The following RGS3 variants were observed in gnomAD, a reference collection of about 807,000 sequenced individuals.
The protein encoded by RGS3 is regulator of G-protein signalling 3.
In RGS3, 80 loss-of-function variants were observed where a neutral mutation model predicts 132.6. That is an observed-to-expected ratio of 0.60 (90% confidence interval 0.50 to 0.73). The LOEUF is 0.73. Ranked by LOEUF, RGS3 falls within the 30% of genes least tolerant of loss-of-function variation. The pLI, the probability that RGS3 is intolerant of heterozygous loss-of-function variation, is 0.00. For missense variants in RGS3, 1,382 were observed against 1,530.8 expected (o/e 0.90, Z 1.62); for synonymous variants, 598 against 620.6 (o/e 0.96, Z 0.54).
intron 7 of RGS3, among the ~76,000 whole-genome samples, chr9:113,494,152 AC>A (rs1830610741): frequency 6.6e-6 from 1 of 152,130 alleles, no homozygotes; most frequent in African/African-American, 2.4e-5. Context: ...AAAAACTCTT[AC>A]TGTCAGGATA....
chr9:113,565,736 T>A lies in RGS3; in HGVS notation c.2038-17714T>A, dbSNP rs1833969600. 1 of 225,274 alleles carries A rather than the reference T, an allele frequency of 4.4e-6. No individual in the cohort carries two copies. Among genetic ancestry groups the A allele is most frequent in the African/African-American group, 2.3e-5 (1 of 43,442 alleles). 14.0% of individuals were successfully genotyped at this position (225,274 alleles called of 1,614,324 possible). A position where few individuals can be genotyped will look rare whatever the true frequency, so the allele number is the denominator to read the frequency against. ...TCCCTGCTGGAGTATGCTGGGTAGGTACCTTGGTGACAGGACTGTGTGTGT... is the reference window on the plus strand; with the variant it reads ...TCCCTGCTGGAGTATGCTGGGTAGGAACCTTGGTGACAGGACTGTGTGTGT... On this transcript the variant is annotated intron_variant, in intron 19 of 24. Transcript: ENST00000350696. This position sits in a 1 kb window ranked among gnomAD's most constrained non-coding sequence, Gnocchi z 5.7.
chr9:113,465,099 CACTT>C (rs1332042906), intron 3 of RGS3, among the ~76,000 whole-genome samples: 1 of 152,142 alleles, frequency 6.6e-6, no homozygotes, highest in African/African-American at 2.4e-5. Context: ...TGCATTATCT[CACTT>C]AATGCCCCAG....
At chr9:113,578,843 C>G (rs1366160355) in intron 19 of RGS3, among the ~76,000 whole-genome samples, 6 of 152,188 alleles carry the variant, frequency 3.9e-5, no homozygotes, top group Non-Finnish European at 8.8e-5. Flanking sequence ...GAGTGCCTTC[C>G]TGCCCTTTCT....
intron 19 of RGS3, among the ~76,000 whole-genome samples, chr9:113,568,246 G>A (rs1280561997): frequency 2.0e-5 from 3 of 152,190 alleles, no homozygotes; most frequent in Non-Finnish European, 4.4e-5. Flanking sequence ...TTCATCTTGG[G>A]GCTCTCTTTC....
intron 6 of RGS3, among the ~76,000 whole-genome samples, chr9:113,484,750 GTTA>G (rs2119230450): frequency 6.6e-6 from 1 of 152,252 alleles, no homozygotes; most frequent in Admixed American, 6.5e-5. Flanking sequence ...AGCTATTATT[GTTA>G]TTATTTCTTT....
At chr9:113,492,770 G>T (rs1159071396) in intron 7 of RGS3, among the ~76,000 whole-genome samples, 2 of 152,186 alleles carry the variant, frequency 1.3e-5, no homozygotes, top group Non-Finnish European at 2.9e-5. Context: ...TCAAAAGCAG[G>T]CATAAGAAAT....
At chr9:113,452,056 T>C (rs1389230288) in intron 1 of RGS3, among the ~76,000 whole-genome samples, 3 of 152,188 alleles carry the variant, frequency 2.0e-5, no homozygotes, top group Non-Finnish European at 4.4e-5. Flanking sequence ...TGGAGTCCAA[T>C]AGTGTGATCA....
chr9:113,467,320 T>C (rs1829675522), intron 3 of RGS3, among the ~76,000 whole-genome samples: 1 of 152,208 alleles, frequency 6.6e-6, no homozygotes, highest in African/African-American at 2.4e-5. Flanking sequence ...TTTTCCAAAG[T>C]AGGTGTATCA....
chr9:113,580,995 G>A (rs1225154816), intron 19 of RGS3: 2 of 656,242 alleles, frequency 3.0e-6, no homozygotes, highest in East Asian at 1.6e-4. Context: ...TTTCCCCAAG[G>A]ACTATCAGAG....
At chr9:113,486,443 G>A (rs1406888657) in intron 7 of RGS3, among the ~76,000 whole-genome samples, 1 of 152,238 alleles carries the variant, frequency 6.6e-6, no homozygotes, top group East Asian at 1.9e-4. Flanking sequence ...GGCTGATCTT[G>A]CAGGCAGTGC....
chr9:113,522,045 T>C (rs868856524), intron 16 of RGS3, among the ~76,000 whole-genome samples: 1 of 152,258 alleles, frequency 6.6e-6, no homozygotes, highest in African/African-American at 2.4e-5. Flanking sequence ...AAGAACAGTG[T>C]AATCTTTAGT....
In RGS3 at chr9:113,522,996, G is replaced by A. The variant is rs773137637; in HGVS notation, c.1825G>A (p.Val609Ile). ...GGAGGACGAGCCTGGCCGCTGCGACGTCCTGAGGAACCCCCTCTACCTCCA... is the reference window on the plus strand; with the variant it reads ...GGAGGACGAGCCTGGCCGCTGCGACATCCTGAGGAACCCCCTCTACCTCCA... Residue 609 changes from valine to isoleucine, a missense_variant, in exon 17 of 25, where the codon GTC becomes ATC. Transcript: ENST00000350696. 3.5e-5 allele frequency: 57 copies of A among 1,613,930 alleles called. No homozygotes were observed. The highest frequency in any genetic ancestry group is 1.5e-4 in the Admixed American group (9 of 59,996).
exon 15 of RGS3, chr9:113,514,553 T>A: frequency 1.9e-6 from 3 of 1,614,188 alleles, no homozygotes; most frequent in Non-Finnish European, 2.5e-6. Context: ...CCACGGGAAC[T>A]ACCAAAACTG....
At chr9:113,454,683 CTTTTTTT>C (rs772993021) in intron 1 of RGS3, among the ~76,000 whole-genome samples, 21 of 121,264 alleles carry the variant, frequency 1.7e-4, no homozygotes, top group Admixed American at 3.4e-4. Flanking sequence ...TGCTTTTAAA[CTTTTTTT>C]TTTTTTTTTT....
rs1465600246 is a variant in RGS3 at position 113,507,788 on chromosome 9, G to C, written c.1437+150G>C. On this transcript the variant is annotated intron_variant, in intron 13 of 24. Coordinates refer to ENST00000350696, the Ensembl canonical transcript of RGS3. This position sits in a 1 kb window ranked among gnomAD's most constrained non-coding sequence, Gnocchi z 5.0. Reference sequence around the variant, plus strand: ...GGGGTATGTGCTAGCTCTGCCTTCTGCAAGGCTGTTCTTGGTAGGGAGGAC... The same window carrying C: ...GGGGTATGTGCTAGCTCTGCCTTCTCCAAGGCTGTTCTTGGTAGGGAGGAC... 4.9e-6 allele frequency: 3 copies of C among 609,944 alleles called. No homozygotes were observed. The highest frequency in any genetic ancestry group is 8.0e-6 in the Non-Finnish European group (3 of 374,516). 37.8% of individuals were successfully genotyped at this position (609,944 alleles called of 1,614,324 possible).
At chr9:113,514,534 C>T (rs1831556737) in exon 15 of RGS3, 1 of 1,614,162 alleles carries the variant, frequency 6.2e-7, no homozygotes, top group Non-Finnish European at 8.5e-7. Context: ...CAGTGCAGAC[C>T]ATGAAGGGCC....
chr9:113,489,383 C>T (rs577087587), intron 7 of RGS3, among the ~76,000 whole-genome samples: 29 of 152,314 alleles, frequency 1.9e-4, no homozygotes, highest in African/African-American at 5.3e-4. Context: ...GGCAAGCTGA[C>T]GCCAAGTCCA....
In RGS3 at chr9:113,584,110, G is replaced by T. The variant is rs530697378; in HGVS notation, c.2698G>T (p.Glu900Ter). Residue 900 changes from glutamate to a stop codon, truncating the protein, a stop_gained, in exon 20 of 25, where the codon GAG (glutamate) becomes TAG (stop). Transcript: ENST00000350696. LOFTEE classifies it high-confidence loss of function. ...GGAGGAAGGGGAGGAGGACGAGGAT[G>T]AGGACACCAGCGATGACAACTACGG... 6.2e-7 allele frequency: 1 copy of T among 1,614,230 alleles called. No individual in the cohort carries two copies. The highest frequency in any genetic ancestry group is 1.1e-5 in the South Asian group (1 of 91,088).
intron 19 of RGS3, among the ~76,000 whole-genome samples, chr9:113,555,797 T>G (rs1833543681): frequency 6.6e-6 from 1 of 152,208 alleles, no homozygotes; most frequent in South Asian, 2.1e-4. Context: ...ACTATTCTGT[T>G]TTAAGAATTA....
Sources: gnomAD v4.1 joint callset for allele counts (sites outside exome capture counted in the v4.1 genomes callset) on GRCh38, gnomAD v4.1.1 for gene constraint, Gnocchi (gnomAD v3.1) non-coding constraint, MANE v1.5 for transcripts, NCBI Gene and HGNC (gene_info 2026-07-23, HGNC 2026-07-21) for gene names.